The following NETO1 variants were observed in gnomAD, a reference collection of about 807,000 sequenced individuals.
The protein encoded by NETO1 is neuropilin and tolloid-like protein 1.
Under a neutral mutation model 61.3 loss-of-function variants are expected in NETO1, and 26 were observed. The observed-to-expected ratio is 0.42, with a 90% CI of 0.31 to 0.59. The LOEUF is 0.59. Among genes scored for constraint, NETO1 ranks in the 20% least tolerant of loss-of-function variants. The probability of loss-of-function intolerance (pLI) is 0.12; values close to 1 mark genes in which losing one functional copy is unlikely to be tolerated. For synonymous variants in NETO1, 225 were observed against 225.8 expected (o/e 1.00, Z 0.03); for missense variants, 531 against 662.8 (o/e 0.80, Z 2.18).
chr18:72,765,648 G>T (rs1178718113), intron 7 of NETO1, among the ~76,000 whole-genome samples: 1 of 151,940 alleles, frequency 6.6e-6, no homozygotes, highest in East Asian at 2.0e-4. Context: ...TGAACTTCTG[G>T]CCTCATGATC....
At chr18:72,867,199 G>T in intron 1 of NETO1, 65 bp downstream of exon 1, 1 of 1,294,166 alleles carries the variant, frequency 7.7e-7, no homozygotes, top group Non-Finnish European at 1.1e-6. Context: ...TGCGCGTTCG[G>T]CCCCGGGAAA....
At chr18:72,780,705 C>A (rs954230063) in intron 7 of NETO1, among the ~76,000 whole-genome samples, 1 of 152,176 alleles carries the variant, frequency 6.6e-6, no homozygotes, top group Non-Finnish European at 1.5e-5. Context: ...AAATTGCGCT[C>A]AAAAGTTTCC....
At chr18:72,849,503 C>T (rs552972095) in intron 4 of NETO1, among the ~76,000 whole-genome samples, 1 of 152,216 alleles carries the variant, frequency 6.6e-6, no homozygotes, top group Non-Finnish European at 1.5e-5. Flanking sequence ...TTTCTACTAA[C>T]AGTAAGTTTA....
At chr18:72,803,280 T>C (rs750057072) in intron 4 of NETO1, among the ~76,000 whole-genome samples, 11 of 152,222 alleles carry the variant, frequency 7.2e-5, no homozygotes, top group Non-Finnish European at 1.6e-4. Flanking sequence ...GTGTCAACAT[T>C]TAGCAGTTCT....
At chr18:72,846,527 A>T (rs1459137756) in intron 4 of NETO1, among the ~76,000 whole-genome samples, 2 of 149,150 alleles carry the variant, frequency 1.3e-5, no homozygotes, top group Middle Eastern at 6.9e-3. Context: ...AAAAAAAAAA[A>T]AAAAAAAGAA....
intron 4 of NETO1, among the ~76,000 whole-genome samples, chr18:72,827,284 G>A (rs2073409172): frequency 6.6e-6 from 1 of 152,126 alleles, no homozygotes; most frequent in Non-Finnish European, 1.5e-5. Context: ...CAATGAATCT[G>A]AGAAGCAAAA....
At chr18:72,829,891 A>G (rs927059477) in intron 4 of NETO1, among the ~76,000 whole-genome samples, 2 of 152,188 alleles carry the variant, frequency 1.3e-5, no homozygotes, top group Admixed American at 1.3e-4. Context: ...CTGGCTTCAG[A>G]CAAAACTGCA....
chr18:72,753,102 A>T (rs1035932591), intron 8 of NETO1, among the ~76,000 whole-genome samples: 5 of 152,146 alleles, frequency 3.3e-5, no homozygotes, highest in African/African-American at 7.2e-5. Context: ...AAAAACAACA[A>T]CAACAAAAAA....
intron 3 of NETO1, among the ~76,000 whole-genome samples, chr18:72,863,385 G>A (rs1296680680): frequency 6.6e-6 from 1 of 152,116 alleles, no homozygotes; most frequent in Non-Finnish European, 1.5e-5. Flanking sequence ...CTTCCCCGTC[G>A]CAACTACTTT....
At chr18:72,808,294 T>C (rs1237311687) in intron 4 of NETO1, among the ~76,000 whole-genome samples, 3 of 152,122 alleles carry the variant, frequency 2.0e-5, no homozygotes, top group Non-Finnish European at 4.4e-5. Context: ...AAGAACTACA[T>C]GAGTGTCTAG....
chr18:72,808,419 T>TTGTG (rs368047239), intron 4 of NETO1, among the ~76,000 whole-genome samples: 9,456 of 141,706 alleles, frequency 0.067, 429 homozygotes, highest in East Asian at 0.24. Context: ...CACTGCAGAT[T>TTGTG]TGTGTGTGTG....
At chr18:72,802,278 C>T (rs1461025097) in intron 4 of NETO1, among the ~76,000 whole-genome samples, 1 of 152,000 alleles carries the variant, frequency 6.6e-6, no homozygotes, top group Non-Finnish European at 1.5e-5. Flanking sequence ...ATTGTGAGAC[C>T]TTGGTCGAGA....
At chr18:72,852,541 C>T (rs186967226) in intron 4 of NETO1, among the ~76,000 whole-genome samples, 1 of 152,080 alleles carries the variant, frequency 6.6e-6, no homozygotes, top group Non-Finnish European at 1.5e-5. Context: ...TTATGGGAAA[C>T]TTCTTAAAAA....
At chr18:72,841,733 C>CAAAAAAAA (rs1341296691) in intron 4 of NETO1, among the ~76,000 whole-genome samples, 9,596 of 70,876 alleles carry the variant, frequency 0.14, 3,088 homozygotes, top group Non-Finnish European at 0.17. Context: ...GACTCTACCT[C>CAAAAAAAA]AACAAAAAAA....
rs146631236 is a variant in NETO1 at position 72,766,961 on chromosome 18, G to T, written c.869-10814C>A. Among the ~76,000 whole-genome samples the T allele has an allele frequency of 1.8e-4, 27 of 152,258 alleles. No homozygotes were observed. The East Asian group carries it at 2.5e-3, about 14-fold the overall frequency. The stretch of plus-strand genomic sequence containing the variant: ...AGACATTACAATTACAATAAGGAGG[G>T]TATTAAATATCTTTGGCATCTGCAT... On this transcript the variant is annotated intron_variant, in intron 7 of 10. Transcript: ENST00000327305.
At chr18:72,846,504 C>CAAAAAAA (rs35252443) in intron 4 of NETO1, among the ~76,000 whole-genome samples, 456 of 12,996 alleles carry the variant, frequency 0.035, 127 homozygotes, top group Non-Finnish European at 0.045. Context: ...GACTTCATCT[C>CAAAAAAA]AAAAAAAAAA....
rs749727708 is a variant in NETO1, at chr18:72,783,760, C to T, written c.786G>A (p.Thr262=). The T allele has an allele frequency of 1.7e-5, 28 of 1,614,044 alleles. No individual in the cohort carries two copies. In the East Asian group the frequency reaches 2.0e-4, roughly 12 times the overall value. The change falls in exon 7 of 11, where the codon ACG becomes ACA. Residue 262 remains threonine, a synonymous_variant. Transcript: ENST00000327305. ...STVANDVMLR[T]GLGVIRMWAD... Reference sequence around the variant, plus strand: ...CCCACATGCGGATCACCCCAAGACCCGTGCGTAGCATGACATCATTAGCCA... The same window carrying T: ...CCCACATGCGGATCACCCCAAGACCTGTGCGTAGCATGACATCATTAGCCA...
intron 1 of NETO1, chr18:72,865,478 G>T: frequency 7.0e-7 from 1 of 1,422,502 alleles, no homozygotes; most frequent in Non-Finnish European, 9.7e-7. Context: ...AACTCCTAAG[G>T]CAAATACATC....
intron 6 of NETO1, among the ~76,000 whole-genome samples, chr18:72,790,929 C>T (rs1325673439): frequency 6.6e-6 from 1 of 152,058 alleles, no homozygotes; most frequent in Admixed American, 6.6e-5. Flanking sequence ...ATTTGGTCTC[C>T]CATCATTTCA....
Sources: allele counts gnomAD v4.1 joint callset (sites outside exome capture counted in the v4.1 genomes callset), GRCh38; gene constraint gnomAD v4.1.1; transcripts MANE v1.5; gene names NCBI Gene and HGNC (gene_info 2026-07-23, HGNC 2026-07-21).